TNFAIP2: variants seen among roughly 807,000 people sequenced by gnomAD.
The protein encoded by TNFAIP2 is tumor necrosis factor alpha-induced protein 2.
Under a neutral mutation model 63.5 loss-of-function variants are expected in TNFAIP2, and 47 were observed. That is an observed-to-expected ratio of 0.74 (90% CI 0.59 to 0.94). TNFAIP2 has a LOEUF of 0.94. Ranked by LOEUF, TNFAIP2 falls within the 40% of genes least tolerant of loss-of-function variation. TNFAIP2 has a pLI of 0.00. For missense variants in TNFAIP2, 787 were observed against 850.2 expected, an observed-to-expected ratio of 0.93 and a Z score of 0.92; for synonymous variants, 405 against 390.2, an observed-to-expected ratio of 1.04 and a Z score of -0.45.
intron 1 of TNFAIP2, among the ~76,000 whole-genome samples, chr14:103,125,463 C>T (rs1245818828): frequency 6.6e-6 from 1 of 152,156 alleles, no homozygotes; most frequent in Non-Finnish European, 1.5e-5. Flanking sequence ...ACAGTTTAAG[C>T]CGAAATAACA....
Position 103,127,060 on chromosome 14 carries a change from G to C in TNFAIP2, c.291G>C (p.Leu97=). 2 of 1,139,790 alleles carry C rather than the reference G, an allele frequency of 1.8e-6. No homozygotes were observed. Among genetic ancestry groups the C allele is most frequent in the Non-Finnish European group, 2.2e-6 (2 of 929,278 alleles). The allele number at this position is 1,139,790 out of a possible 1,614,324, so 70.6% of individuals were successfully genotyped here. A position where few individuals can be genotyped will look rare whatever the true frequency, so the allele number is the denominator to read the frequency against. ...ERGQLEAARP[L]LALERELAAA... The stretch of plus-strand genomic sequence containing the variant: ...GGCAGCTGGAGGCGGCGCGGCCGCT[G>C]CTGGCGCTGGAGCGGGAGCTGGCGG... The change falls in exon 3 of 12, where the codon CTG becomes CTC. Residue 97 remains leucine, a synonymous_variant. Coordinates refer to ENST00000560869, the MANE Select transcript of TNFAIP2 (RefSeq NM_006291.4). The surrounding 1 kb of genome is among the most constrained non-coding windows in gnomAD (Gnocchi z 5.1).
At chr14:103,126,917 T>G in intron 2 of TNFAIP2, 88 bp from the exon 3 acceptor site, 1 of 1,390,892 alleles carries the variant, frequency 7.2e-7, no homozygotes, top group Non-Finnish European at 9.3e-7. Flanking sequence ...TGTGCGCGTC[T>G]AGGGGAGGAC....
chr14:103,132,114 T>C (rs1428790524), intron 8 of TNFAIP2, among the ~76,000 whole-genome samples: 6 of 151,908 alleles, frequency 3.9e-5, no homozygotes, highest in Non-Finnish European at 7.4e-5. Context: ...CACAGCCCAG[T>C]CCCAAGCCTG....
At position 103,127,546 on chromosome 14, in the gene TNFAIP2, C is replaced by T; in HGVS notation, c.777C>T (p.Ala259=). 6.3e-7 allele frequency: 1 copy of T among 1,586,060 alleles called. No individual in the cohort carries two copies. The highest frequency in any genetic ancestry group is 8.5e-7 in the Non-Finnish European group (1 of 1,173,112). Residue 259 remains alanine (A), a synonymous_variant, in exon 3 of 12, where the codon GCC becomes GCT. Coordinates refer to ENST00000560869, the MANE Select transcript of TNFAIP2 (RefSeq NM_006291.4). This position sits in a 1 kb window ranked among gnomAD's most constrained non-coding sequence, Gnocchi z 5.1. The part of the protein sequence containing the change: ...YAESYHQHFA[A]HLAAVAQFEL... Reference sequence around the variant, plus strand: ...AGAGCTACCACCAGCACTTCGCGGCCCACCTGGCCGCCGTGGCGCAGTTCG... The same window carrying T: ...AGAGCTACCACCAGCACTTCGCGGCTCACCTGGCCGCCGTGGCGCAGTTCG...
At chr14:103,122,619 G>A (rs1013103313), upstream of TNFAIP2, 14 of 455,320 alleles carry the variant, frequency 3.1e-5, no homozygotes, top group Non-Finnish European at 5.7e-5. Flanking sequence ...CCTGAGAGAC[G>A]GTGTGGATGG....
At position 103,125,967 on chromosome 14, in the gene TNFAIP2, G is replaced by A. The variant is rs3759574; in HGVS notation, c.-148-343G>A. Among the ~76,000 whole-genome samples the A allele has an allele frequency of 2.0e-5, 3 of 152,174 alleles. No individual in the cohort carries two copies. In the East Asian group the frequency reaches 5.8e-4, roughly 29 times the overall value. ...AGGGTCCCGTGGGATCCAGGGAGGT[G>A]TCCATTGCCTGCTTCCTGCCCAGAG... On this transcript the variant is annotated intron_variant, in intron 1 of 11. Coordinates refer to ENST00000560869, the MANE Select transcript of TNFAIP2 (RefSeq NM_006291.4).
intron 11 of TNFAIP2, among the ~76,000 whole-genome samples, chr14:103,134,160 T>A (rs924390621): frequency 2.6e-5 from 4 of 152,246 alleles, no homozygotes; most frequent in African/African-American, 9.6e-5. Flanking sequence ...CCTAGGCCTA[T>A]GCTCTGGGAC....
intron 10 of TNFAIP2, 54 bp downstream of exon 10, chr14:103,133,571 C>A (rs1211151618): frequency 6.3e-7 from 1 of 1,597,260 alleles, no homozygotes; most frequent in East Asian, 2.2e-5. Context: ...CCTCTTCTCC[C>A]CTAGCCCTTT....
chr14:103,125,611 C>T (rs2087836860), intron 1 of TNFAIP2, among the ~76,000 whole-genome samples: 2 of 152,186 alleles, frequency 1.3e-5, no homozygotes, highest in African/African-American at 4.8e-5. Context: ...ACCCGAGTTG[C>T]TGTGTGACTT....
In TNFAIP2 at chr14:103,127,805, G is replaced by A. The variant is rs1324143440; in HGVS notation, c.860+176G>A. On this transcript the variant is annotated intron_variant, in intron 3 of 11. Coordinates refer to ENST00000560869, the MANE Select transcript of TNFAIP2 (RefSeq NM_006291.4). The surrounding 1 kb of genome is among the most constrained non-coding windows in gnomAD (Gnocchi z 5.1). ...ACTCCCTGGGGCAGAGCCTGGACAGGCAGAGACTGGGCCTGGACACAGGGA... is the reference window on the plus strand; with the variant it reads ...ACTCCCTGGGGCAGAGCCTGGACAGACAGAGACTGGGCCTGGACACAGGGA... 6.6e-6 allele frequency among the ~76,000 whole-genome samples: 1 copy of A among 152,232 alleles called. No individual in the cohort carries two copies. Among genetic ancestry groups the A allele is most frequent in the Non-Finnish European group, 1.5e-5 (1 of 68,040 alleles).
At chr14:103,128,945 T>C (rs1447709456) in intron 3 of TNFAIP2, among the ~76,000 whole-genome samples, 2 of 152,208 alleles carry the variant, frequency 1.3e-5, no homozygotes, top group African/African-American at 4.8e-5. Flanking sequence ...TTGAAGCCTG[T>C]GTGCCAGAAA....
At chr14:103,125,628 G>A (rs565970172) in intron 1 of TNFAIP2, among the ~76,000 whole-genome samples, 4 of 152,302 alleles carry the variant, frequency 2.6e-5, no homozygotes, top group Admixed American at 1.3e-4. Context: ...ACTTCAGGCC[G>A]CCCTGTGACT....
At position 103,129,983 on chromosome 14, in the gene TNFAIP2, C is replaced by A; in HGVS notation, c.976-19C>A. 6.2e-7 allele frequency: 1 copy of A among 1,610,544 alleles called. No individual in the cohort carries two copies. Among genetic ancestry groups the A allele is most frequent in the African/African-American group, 1.3e-5 (1 of 75,016 alleles). ...GAGGTGAGGGATAGTGCCCCAGTGA[C>A]CTGCCCCTCCTCCTCCAGGCCAATG... On this transcript the variant is annotated intron_variant, in intron 4 of 11. Transcript: ENST00000560869.
rs373274920 is a variant in TNFAIP2, at chr14:103,126,573, G to T, written c.116G>T (p.Gly39Val). 8 of 1,556,688 alleles carry T rather than the reference G, an allele frequency of 5.1e-6. No individual in the cohort carries two copies. The highest frequency in any genetic ancestry group is 3.5e-5 in the South Asian group (3 of 84,526). Residue 39 changes from glycine to valine, a missense_variant, in exon 2 of 12, where the codon GGC becomes GTC. By Grantham distance (109) the Gly-to-Val change is moderately radical. This residue lies in a region of TNFAIP2 where 258 missense variants were observed against 228.9 expected (regional missense o/e 1.13). Transcript: ENST00000560869. Reference sequence around the variant, plus strand: ...AAGGAGAAGAAGAAGAAGTCCAAAGGCCTGGCCAATGTGTTCTGCGTCTTC... The same window carrying T: ...AAGGAGAAGAAGAAGAAGTCCAAAGTCCTGGCCAATGTGTTCTGCGTCTTC... ...KKKEKKKKSK[G>V]LANVFCVFTK...
chr14:103,135,409 A>G lies in TNFAIP2; in HGVS notation c.*49A>G. 1 of 1,558,184 alleles carries G rather than the reference A, an allele frequency of 6.4e-7. No homozygotes were observed. Among genetic ancestry groups the G allele is most frequent in the South Asian group, 1.2e-5 (1 of 81,624 alleles). ...TGTGAGTGCCCAGCAAGCCTTGGGC[A>G]CACCCCGCTGGGAGCTGTTAAGAGC... On this transcript the variant is annotated 3_prime_UTR_variant, in exon 12 of 12. Transcript: ENST00000560869. This position sits in a 1 kb window ranked among gnomAD's most constrained non-coding sequence, Gnocchi z 7.6.
chr14:103,132,881 G>T lies in TNFAIP2; in HGVS notation c.1545+9G>T. The T allele has an allele frequency of 6.2e-7, 1 of 1,613,434 alleles. No homozygotes were observed. Reference sequence around the variant, plus strand: ...AGGGCTGTTTCCGGGAGGTGAGGAGGCTCTGGGCTGGTGGCTGGGTCTTGG... The same window carrying T: ...AGGGCTGTTTCCGGGAGGTGAGGAGTCTCTGGGCTGGTGGCTGGGTCTTGG... On this transcript the variant is annotated intron_variant, in intron 9 of 11. Transcript: ENST00000560869.
chr14:103,133,106 G>A (rs1566965476), intron 9 of TNFAIP2, among the ~76,000 whole-genome samples: 1 of 152,092 alleles, frequency 6.6e-6, no homozygotes, highest in African/African-American at 2.4e-5. Flanking sequence ...GTGAACACAT[G>A]CACACATATG....
intron 8 of TNFAIP2, among the ~76,000 whole-genome samples, chr14:103,132,385 G>A (rs977073149): frequency 3.9e-5 from 6 of 152,154 alleles, no homozygotes; most frequent in Admixed American, 1.3e-4. Context: ...GTGGAAGCCC[G>A]AGCGGTGACC....
In TNFAIP2 at chr14:103,135,102, C is replaced by T; in HGVS notation, c.1824-117C>T. On this transcript the variant is annotated intron_variant, in intron 11 of 11. Transcript: ENST00000560869. The surrounding 1 kb of genome is among the most constrained non-coding windows in gnomAD (Gnocchi z 7.6). ...ATGGGTGAGGGAGAGTGAAGTGCAG[C>T]CCCCTCGTGGGCCGGGCGTTGGCTG... 1.6e-6 allele frequency: 2 copies of T among 1,288,414 alleles called. No individual in the cohort carries two copies. The highest frequency in any genetic ancestry group is 2.2e-6 in the Non-Finnish European group (2 of 900,170). The allele number at this position is 1,288,414 out of a possible 1,614,324, so 79.8% of individuals were successfully genotyped here. A position where few individuals can be genotyped will look rare whatever the true frequency, so the allele number is the denominator to read the frequency against.
Sources: allele counts gnomAD v4.1 joint callset (sites outside exome capture counted in the v4.1 genomes callset), GRCh38; gene constraint gnomAD v4.1.1; regional missense constraint gnomAD v4.1.1; non-coding constraint Gnocchi (gnomAD v3.1); transcripts MANE v1.5; gene names NCBI Gene and HGNC (gene_info 2026-07-23, HGNC 2026-07-21).